ITGA8: variants seen among roughly 807,000 people sequenced by gnomAD.
The protein encoded by ITGA8 is integrin alpha-8.
Under a neutral mutation model 142.3 loss-of-function variants are expected in ITGA8, and 91 were observed. That is an observed-to-expected ratio of 0.64 (90% confidence interval 0.54 to 0.76). ITGA8 has a LOEUF of 0.76. ITGA8 is among the 30% of genes least tolerant of loss of function. ITGA8 has a pLI of 0.00. For synonymous variants in ITGA8, 505 were observed against 485.2 expected, an observed-to-expected ratio of 1.04 and a Z score of -0.54; for missense variants, 1,406 against 1,327.7, an observed-to-expected ratio of 1.06 and a Z score of -0.92.
intron 2 of ITGA8, among the ~76,000 whole-genome samples, chr10:15,690,825 C>G (rs767227681): frequency 2.0e-5 from 3 of 152,106 alleles, no homozygotes; most frequent in Non-Finnish European, 4.4e-5. Flanking sequence ...ACTGCACCCA[C>G]CTAGAACCAG....
chr10:15,624,357 T>C (rs1309510548), intron 13 of ITGA8, among the ~76,000 whole-genome samples: 1 of 152,200 alleles, frequency 6.6e-6, no homozygotes, highest in East Asian at 1.9e-4. Flanking sequence ...GAATCTCTGG[T>C]GGTCTTTAAG....
chr10:15,682,332 A>G (rs960814322), intron 4 of ITGA8, among the ~76,000 whole-genome samples: 4 of 152,150 alleles, frequency 2.6e-5, no homozygotes, highest in African/African-American at 9.7e-5. Flanking sequence ...TTACTGCTCA[A>G]TGTGTGGTTT....
At chr10:15,550,717 G>C (rs1349444570) in intron 26 of ITGA8, among the ~76,000 whole-genome samples, 1 of 152,146 alleles carries the variant, frequency 6.6e-6, no homozygotes, top group Non-Finnish European at 1.5e-5. Context: ...TATATGAAGA[G>C]TCTTCCTATG....
chr10:15,690,513 C>T (rs113663931), intron 2 of ITGA8, among the ~76,000 whole-genome samples: 6 of 152,052 alleles, frequency 3.9e-5, no homozygotes, highest in South Asian at 2.1e-4. Flanking sequence ...GAAGAGTGAA[C>T]CTGTGCCCTC....
At chr10:15,653,628 C>T (rs903348013) in intron 11 of ITGA8, among the ~76,000 whole-genome samples, 1 of 152,110 alleles carries the variant, frequency 6.6e-6, no homozygotes, top group African/African-American at 2.4e-5. Flanking sequence ...TTTCACTGCC[C>T]TAAAAATCCT....
chr10:15,558,530 C>A (rs1244902195), intron 25 of ITGA8, among the ~76,000 whole-genome samples: 1 of 152,132 alleles, frequency 6.6e-6, no homozygotes, highest in African/African-American at 2.4e-5. Flanking sequence ...ATGAGCCATC[C>A]TTCTCTCATT....
intron 25 of ITGA8, among the ~76,000 whole-genome samples, chr10:15,562,099 G>T (rs115668960): frequency 0.01 from 1,548 of 152,268 alleles, 31 homozygotes; most frequent in African/African-American, 0.035. Context: ...CTTGACACAT[G>T]CGGATTATGG....
In ITGA8 at chr10:15,516,435, G is replaced by A. The variant is rs1359120212; in HGVS notation, c.*723C>T. 2 of 152,172 alleles carry A rather than the reference G, an allele frequency of 1.3e-5. No homozygotes were observed. The highest frequency in any genetic ancestry group is 1.9e-4 in the East Asian group (1 of 5,192). The allele number at this position is 152,172 out of a possible 1,614,324, so 9.4% of individuals were successfully genotyped here. A position where few individuals can be genotyped will look rare whatever the true frequency, so the allele number is the denominator to read the frequency against. ...ACTGTCTAAATTCTGAAGAAGCTCT[G>A]CTAAATGAGTTATCTGCACACAGTG... On this transcript the variant is annotated 3_prime_UTR_variant, in exon 30 of 30. Coordinates refer to ENST00000378076, the MANE Select transcript of ITGA8 (RefSeq NM_003638.3).
At chr10:15,521,272 C>CAAATG (rs1234457054) in intron 28 of ITGA8, among the ~76,000 whole-genome samples, 8 of 152,128 alleles carry the variant, frequency 5.3e-5, no homozygotes, top group African/African-American at 1.9e-4. Flanking sequence ...GATCCACCCG[C>CAAATG]CTCGGCCTCC....
intron 2 of ITGA8, among the ~76,000 whole-genome samples, chr10:15,701,428 G>C (rs1835161515): frequency 6.6e-6 from 1 of 152,092 alleles, no homozygotes; most frequent in Non-Finnish European, 1.5e-5. Context: ...CAATTGATTT[G>C]ACTCATCCTC....
At chr10:15,658,435 C>A (rs1304931377) in intron 10 of ITGA8, among the ~76,000 whole-genome samples, 1 of 152,176 alleles carries the variant, frequency 6.6e-6, no homozygotes, top group Non-Finnish European at 1.5e-5. Flanking sequence ...ACCAGTCTCC[C>A]ATGAGTAGCC....
At position 15,542,279 on chromosome 10, in the gene ITGA8, A is replaced by G. The variant is rs559279163; in HGVS notation, c.2880+6176T>C. Among the ~76,000 whole-genome samples, 5 of 152,236 alleles carry G rather than the reference A, an allele frequency of 3.3e-5. No homozygotes were observed. The South Asian group carries it at 1.0e-3, about 31-fold the overall frequency. On this transcript the variant is annotated intron_variant, in intron 27 of 29. Transcript: ENST00000378076. Reference sequence around the variant, plus strand: ...GTGCTGCTGCATAGAACTTTCTTCAATAGAGAAATGCTCTTAATCTGCACA... The same window carrying G: ...GTGCTGCTGCATAGAACTTTCTTCAGTAGAGAAATGCTCTTAATCTGCACA...
At chr10:15,583,963 T>C (rs1834463926) in intron 23 of ITGA8, among the ~76,000 whole-genome samples, 1 of 152,208 alleles carries the variant, frequency 6.6e-6, no homozygotes, top group Non-Finnish European at 1.5e-5. Flanking sequence ...AAAGAATTTC[T>C]ATACACTAAT....
intron 27 of ITGA8, among the ~76,000 whole-genome samples, chr10:15,543,233 G>A (rs1833605532): frequency 6.6e-6 from 1 of 152,214 alleles, no homozygotes; most frequent in African/African-American, 2.4e-5. Context: ...TCCTGACCCA[G>A]TATCTACCAG....
chr10:15,598,131 C>T (rs1177642430), intron 20 of ITGA8, among the ~76,000 whole-genome samples: 1 of 152,042 alleles, frequency 6.6e-6, no homozygotes, highest in Admixed American at 6.6e-5. Context: ...TAGCTACTTA[C>T]ATTTTTCCAT....
chr10:15,637,849 T>C (rs1588690480), intron 13 of ITGA8, among the ~76,000 whole-genome samples: 1 of 151,820 alleles, frequency 6.6e-6, no homozygotes, highest in Non-Finnish European at 1.5e-5. Context: ...CAAAAAGAAG[T>C]GAGGTGTCAT....
chr10:15,610,344 A>G (rs115794454), intron 15 of ITGA8, among the ~76,000 whole-genome samples: 2,305 of 152,324 alleles, frequency 0.015, 66 homozygotes, highest in African/African-American at 0.053. Context: ...CATATGGAGC[A>G]TAGAATTAGG....
intron 13 of ITGA8, among the ~76,000 whole-genome samples, chr10:15,619,394 C>T (rs1477753950): frequency 6.6e-6 from 1 of 152,144 alleles, no homozygotes; most frequent in African/African-American, 2.4e-5. Context: ...AGACTTGGAA[C>T]TTGACTCCAG....
intron 2 of ITGA8, among the ~76,000 whole-genome samples, chr10:15,708,907 C>A (rs1484925319): frequency 6.6e-6 from 1 of 152,142 alleles, no homozygotes; most frequent in Non-Finnish European, 1.5e-5. Flanking sequence ...CTTGAACTGG[C>A]CAAGCCTCCC....
Sources: gnomAD v4.1 joint callset for allele counts (sites outside exome capture counted in the v4.1 genomes callset) on GRCh38, gnomAD v4.1.1 for gene constraint, MANE v1.5 for transcripts, NCBI Gene and HGNC (gene_info 2026-07-23, HGNC 2026-07-21) for gene names.